CDCA7L: variants seen among roughly 807,000 people sequenced by gnomAD.
CDCA7L encodes cell division cycle-associated 7-like protein.
In CDCA7L, 44 loss-of-function variants were observed where a neutral mutation model predicts 57.4. That is an observed-to-expected ratio of 0.77 (90% CI 0.60 to 0.98). The LOEUF (loss-of-function observed/expected upper bound fraction) is 0.98, where lower values mean the gene tolerates loss of function less well. CDCA7L is among the 50% of genes least tolerant of loss of function. CDCA7L has a pLI of 0.00. For synonymous variants in CDCA7L, 236 were observed against 202.8 expected, an observed-to-expected ratio of 1.16 and a Z score of -1.39; for missense variants, 644 against 580.6, an observed-to-expected ratio of 1.11 and a Z score of -1.12.
Position 21,901,333 on chromosome 7 carries a change from CATT to C in CDCA7L, c.*986_*988del, listed in dbSNP as rs1425535503. On this transcript the variant is annotated 3_prime_UTR_variant, in exon 10 of 10. Transcript: ENST00000406877. ...CATGTTGCTGCACTGTTCCCATGCA[CATT>C]ATTCTAACTTTTTAGTAACTCACAC... 7.1e-7 allele frequency: 1 copy of C among 1,415,456 alleles called. No individual in the cohort carries two copies. The highest frequency in any genetic ancestry group is 9.3e-7 in the Non-Finnish European group (1 of 1,074,010). The allele number at this position is 1,415,456 out of a possible 1,614,324, so 87.7% of individuals were successfully genotyped here. A position where few individuals can be genotyped will look rare whatever the true frequency, so the allele number is the denominator to read the frequency against.
At chr7:21,927,084 T>C (rs1259722884) in intron 1 of CDCA7L, among the ~76,000 whole-genome samples, 1 of 152,106 alleles carries the variant, frequency 6.6e-6, no homozygotes, top group Non-Finnish European at 1.5e-5. Flanking sequence ...TGGCCACTTC[T>C]CGAATATTTA....
intron 1 of CDCA7L, among the ~76,000 whole-genome samples, chr7:21,934,267 C>T (rs780266456): frequency 1.3e-5 from 2 of 152,086 alleles, no homozygotes; most frequent in Non-Finnish European, 2.9e-5. Flanking sequence ...AATTCCTGAT[C>T]TCAATTACAT....
intron 8 of CDCA7L, 134 bp from the exon 9 acceptor site, chr7:21,903,248 CA>C: frequency 2.6e-6 from 2 of 777,850 alleles, no homozygotes; most frequent in Non-Finnish European, 4.0e-6. Flanking sequence ...GTCTACGTCC[CA>C]GGGGGCTCCT....
At position 21,911,615 on chromosome 7, in the gene CDCA7L, AC is replaced by A. The variant is rs747467115; in HGVS notation, c.303+1del. 7 of 1,608,526 alleles carry A rather than the reference AC, an allele frequency of 4.4e-6. No individual in the cohort carries two copies. In the Admixed American group the frequency reaches 1.2e-4, roughly 27 times the overall value. ...CACATCCCTTCCTGTTGTAATTATT[AC>A]CATTACTTCTGGGTTAGTCTTTCCA... On this transcript the variant is annotated splice_donor_variant, in intron 3 of 9. Coordinates refer to ENST00000406877, the MANE Select transcript of CDCA7L (RefSeq NM_018719.5). LOFTEE classifies it high-confidence loss of function.
chr7:21,944,449 C>CA (rs59373889), intron 1 of CDCA7L, among the ~76,000 whole-genome samples: 6,870 of 61,248 alleles, frequency 0.11, 500 homozygotes, highest in East Asian at 0.36. Flanking sequence ...ACTCCGTCTC[C>CA]AAAAAAAAAA....
At chr7:21,937,652 A>T (rs901028890) in intron 1 of CDCA7L, among the ~76,000 whole-genome samples, 3 of 152,080 alleles carry the variant, frequency 2.0e-5, no homozygotes, top group African/African-American at 4.8e-5. Flanking sequence ...AAAAGAAAAA[A>T]AAAAAAAAGA....
intron 1 of CDCA7L, among the ~76,000 whole-genome samples, chr7:21,942,767 G>A (rs1276051798): frequency 6.6e-6 from 1 of 152,186 alleles, no homozygotes; most frequent in African/African-American, 2.4e-5. Context: ...GTAGCCAGCA[G>A]AACACAGAAC....
intron 1 of CDCA7L, among the ~76,000 whole-genome samples, chr7:21,934,336 T>C (rs1449191546): frequency 6.6e-6 from 1 of 152,132 alleles, no homozygotes; most frequent in Non-Finnish European, 1.5e-5. Context: ...TGAAGTGAAA[T>C]TGGTATCATT....
chr7:21,936,180 T>A (rs1195436253), intron 1 of CDCA7L, among the ~76,000 whole-genome samples: 1 of 152,110 alleles, frequency 6.6e-6, no homozygotes. Context: ...GGATTTTAAG[T>A]AGTAATCAAA....
intron 1 of CDCA7L, among the ~76,000 whole-genome samples, chr7:21,935,282 A>C (rs956467640): frequency 6.6e-6 from 1 of 152,244 alleles, no homozygotes; most frequent in Admixed American, 6.5e-5. Context: ...ACATATTCCT[A>C]AACAACCATG....
chr7:21,901,328 A>ATTC lies in CDCA7L; in HGVS notation c.*993_*994insGAA. ...TCTAGCATGTTGCTGCACTGTTCCC[A>ATTC]TGCACATTATTCTAACTTTTTAGTA... On this transcript the variant is annotated 3_prime_UTR_variant, in exon 10 of 10. Coordinates refer to ENST00000406877, the MANE Select transcript of CDCA7L (RefSeq NM_018719.5). 4.1e-6 allele frequency: 6 copies of ATTC among 1,473,328 alleles called. No individual in the cohort carries two copies. Among genetic ancestry groups the ATTC allele is most frequent in the Admixed American group, 2.3e-5 (1 of 42,698 alleles). The allele number at this position is 1,473,328 out of a possible 1,614,324, so 91.3% of individuals were successfully genotyped here.
intron 9 of CDCA7L, 135 bp downstream of exon 9, chr7:21,902,843 A>G (rs1007777246): frequency 2.8e-5 from 21 of 747,400 alleles, no homozygotes; most frequent in Non-Finnish European, 4.2e-5. Context: ...GCAAACAGAT[A>G]CAGAATGGAT....
chr7:21,934,692 CT>C (rs1786111120), intron 1 of CDCA7L, among the ~76,000 whole-genome samples: 1 of 152,018 alleles, frequency 6.6e-6, no homozygotes, highest in South Asian at 2.1e-4. Flanking sequence ...CACTTTAGAT[CT>C]AAAGACACCA....
chr7:21,916,537 A>G (rs922442193), intron 2 of CDCA7L, among the ~76,000 whole-genome samples: 15 of 116,332 alleles, frequency 1.3e-4, no homozygotes, highest in African/African-American at 4.5e-4. Context: ...AAAAAAAAAA[A>G]AGAATTATGG....
intron 4 of CDCA7L, 115 bp downstream of exon 4, chr7:21,908,015 C>T (rs1785193472): frequency 8.7e-7 from 1 of 1,152,748 alleles, no homozygotes; most frequent in East Asian, 2.6e-5. Context: ...AGTATATTTT[C>T]TTGACAGAAG....
chr7:21,934,871 T>C (rs1252927851), intron 1 of CDCA7L, among the ~76,000 whole-genome samples: 3 of 152,172 alleles, frequency 2.0e-5, no homozygotes, highest in Admixed American at 6.5e-5. Context: ...AGAACAATTA[T>C]AAATATATAC....
chr7:21,900,946 T>TATCATTAGTA lies in CDCA7L; in HGVS notation c.*1375_*1376insTACTAATGAT. ...ATGTTTATTGCATCAAACAACTTAC[T>TATCATTAGTA]TGATCATTATCATTAGTAGCAAGCT... On this transcript the variant is annotated 3_prime_UTR_variant, in exon 10 of 10. Coordinates refer to ENST00000406877, the MANE Select transcript of CDCA7L (RefSeq NM_018719.5). The TATCATTAGTA allele has an allele frequency of 6.6e-7, 1 of 1,504,328 alleles. No individual in the cohort carries two copies. The allele number at this position is 1,504,328 out of a possible 1,614,324, so 93.2% of individuals were successfully genotyped here.
At chr7:21,932,694 A>G (rs1243459006) in intron 1 of CDCA7L, among the ~76,000 whole-genome samples, 6 of 152,226 alleles carry the variant, frequency 3.9e-5, no homozygotes, top group African/African-American at 1.4e-4. Context: ...AAAACCATAA[A>G]CACCCTAGAA....
At chr7:21,906,795 A>C (rs180720665) in intron 4 of CDCA7L, among the ~76,000 whole-genome samples, 156 bp from the exon 5 acceptor site, 1 of 152,208 alleles carries the variant, frequency 6.6e-6, no homozygotes, top group African/African-American at 2.4e-5. Context: ...CCTCACATGT[A>C]AAGATTGTAC....
Sources: gnomAD v4.1 joint callset for allele counts (sites outside exome capture counted in the v4.1 genomes callset) on GRCh38, gnomAD v4.1.1 for gene constraint, MANE v1.5 for transcripts, NCBI Gene and HGNC (gene_info 2026-07-23, HGNC 2026-07-21) for gene names.